WNT7A: variants seen among roughly 807,000 people sequenced by gnomAD.
WNT7A encodes the protein protein Wnt-7a.
In WNT7A, 16 loss-of-function variants were observed where a neutral mutation model predicts 28.2. The ratio of observed to expected loss-of-function variants is 0.57; its 90% confidence interval spans 0.38 to 0.86. The LOEUF is 0.86. Ranked by LOEUF, WNT7A falls within the 40% of genes least tolerant of loss-of-function variation. The pLI, the probability that WNT7A is intolerant of heterozygous loss-of-function variation, is 0.00. For synonymous variants in WNT7A, 190 were observed against 195.9 expected (o/e 0.97, Z 0.25); for missense variants, 411 against 489.7 (o/e 0.84, Z 1.52).
rs1029898161 is a variant in WNT7A at position 13,818,188 on chromosome 3, A to G, written c.*756T>C. 2.0e-5 allele frequency: 3 copies of G among 151,116 alleles called. No individual in the cohort carries two copies. Among genetic ancestry groups the G allele is most frequent in the Admixed American group, 2.0e-4 (3 of 15,184 alleles). 9.4% of individuals were successfully genotyped at this position (151,116 alleles called of 1,614,324 possible). A position where few individuals can be genotyped will look rare whatever the true frequency, so the allele number is the denominator to read the frequency against. ...GGTGGCTCACTTTCCGAAAGATGGA[A>G]ACTGCTGGGAATTTATTATTTTTCC... On this transcript the variant is annotated 3_prime_UTR_variant, in exon 4 of 4. Coordinates refer to ENST00000285018, the MANE Select transcript of WNT7A (RefSeq NM_004625.4).
chr3:13,818,351 C>CGAAAAAAAAAAAAAAAAAAA lies in WNT7A; in HGVS notation c.*592_*593insTTTTTTTTTTTTTTTTTTTC, dbSNP rs575789769. 23 of 79,950 alleles carry CGAAAAAAAAAAAAAAAAAAA rather than the reference C, an allele frequency of 2.9e-4. 3 individuals carry two copies. The South Asian group carries it at 3.3e-3, about 11-fold the overall frequency. 5.0% of individuals were successfully genotyped at this position (79,950 alleles called of 1,614,324 possible). ...TTTCTGGATAAGTAGCAGCAAACAG[C>CGAAAAAAAAAAAAAAAAAAA]AAAAAAAAAAAAAAAAATGTGTGTG... On this transcript the variant is annotated 3_prime_UTR_variant, in exon 4 of 4. Transcript: ENST00000285018.
At chr3:13,846,998 C>T (rs1215193370) in intron 3 of WNT7A, among the ~76,000 whole-genome samples, 3 of 152,176 alleles carry the variant, frequency 2.0e-5, no homozygotes, top group Non-Finnish European at 4.4e-5. Context: ...TGGGAAGGGC[C>T]GCCCCTGCCC....
At chr3:13,868,985 A>G (rs1694979957) in intron 2 of WNT7A, among the ~76,000 whole-genome samples, 1 of 149,906 alleles carries the variant, frequency 6.7e-6, no homozygotes, top group African/African-American at 2.5e-5. Context: ...AGAAAGAGAA[A>G]GAAAAAGAGA....
chr3:13,833,260 T>C (rs1370115131), intron 3 of WNT7A, among the ~76,000 whole-genome samples: 3 of 152,152 alleles, frequency 2.0e-5, no homozygotes, highest in Non-Finnish European at 4.4e-5. Flanking sequence ...CAGGTATGCA[T>C]GACACATATG....
At position 13,840,714 on chromosome 3, in the gene WNT7A, CTATT is replaced by C. The variant is rs150274072; in HGVS notation, c.570+13814_570+13817del. Among the ~76,000 whole-genome samples, 1,273 of 152,282 alleles carry C rather than the reference CTATT, an allele frequency of 8.4e-3. 9 individuals are homozygous for C. The highest frequency in any genetic ancestry group is 0.015 in the Non-Finnish European group (1,017 of 68,016). On this transcript the variant is annotated intron_variant, in intron 3 of 3. Transcript: ENST00000285018. ...TCTGTCCGTTTAACCATCCATCCAT[CTATT>C]CATTCATATTCCATTCATTCAACCA...
Position 13,876,254 on chromosome 3 carries a change from A to G in WNT7A, c.72-1081T>C, listed in dbSNP as rs75254617. On this transcript the variant is annotated intron_variant, in intron 1 of 3. Transcript: ENST00000285018. ...CTAGGAGACAAGTTCGGGGTCTTCA[A>G]GGAATAGAAAGAACCCATGGAAACT... Among the ~76,000 whole-genome samples, 226 of 152,350 alleles carry G rather than the reference A, an allele frequency of 1.5e-3. 1 individual carries two copies. Among genetic ancestry groups the G allele is most frequent in the Non-Finnish European group, 2.4e-3 (161 of 68,028 alleles).
intron 2 of WNT7A, among the ~76,000 whole-genome samples, chr3:13,868,690 G>GAGAAAGAA (rs1220632576): frequency 0.11 from 2,092 of 19,566 alleles, 271 homozygotes; most frequent in Middle Eastern, 0.19. Context: ...GAGAGAGAGA[G>GAGAAAGAA]AGAAAGAAAG....
At chr3:13,834,010 C>T (rs1006279894) in intron 3 of WNT7A, among the ~76,000 whole-genome samples, 2 of 152,182 alleles carry the variant, frequency 1.3e-5, no homozygotes, top group African/African-American at 2.4e-5. Flanking sequence ...AACTGTCACA[C>T]GGGCATAAGG....
At chr3:13,847,304 C>G (rs1212152356) in intron 3 of WNT7A, among the ~76,000 whole-genome samples, 2 of 152,220 alleles carry the variant, frequency 1.3e-5, no homozygotes, top group South Asian at 4.1e-4. Context: ...ACCTCCTGGT[C>G]CCTACCTCAG....
chr3:13,873,225 C>T (rs1695051944), intron 2 of WNT7A, among the ~76,000 whole-genome samples: 1 of 152,026 alleles, frequency 6.6e-6, no homozygotes, highest in East Asian at 1.9e-4. Flanking sequence ...GAGGGAAAAG[C>T]AGGGCAGACG....
intron 3 of WNT7A, among the ~76,000 whole-genome samples, chr3:13,830,220 G>A (rs1051099419): frequency 2.6e-5 from 4 of 152,274 alleles, no homozygotes; most frequent in Non-Finnish European, 2.9e-5. Context: ...ACATGGTAAA[G>A]GTGGGCCCCG....
intron 1 of WNT7A, among the ~76,000 whole-genome samples, chr3:13,878,193 G>A (rs914977833): frequency 2.6e-5 from 4 of 152,190 alleles, no homozygotes; most frequent in Admixed American, 6.5e-5. Context: ...CCGGCGGGAG[G>A]GCGGCCCGCG....
chr3:13,834,343 G>A (rs202149642), intron 3 of WNT7A, among the ~76,000 whole-genome samples: 4 of 152,144 alleles, frequency 2.6e-5, no homozygotes, highest in African/African-American at 9.7e-5. Flanking sequence ...AAACGAGGTA[G>A]AGGACTTGGA....
intron 3 of WNT7A, among the ~76,000 whole-genome samples, chr3:13,819,842 A>G (rs1230835351): frequency 2.0e-5 from 3 of 152,218 alleles, no homozygotes; most frequent in Non-Finnish European, 2.9e-5. Context: ...TGAATGGCAG[A>G]TGTTTTTCAT....
intron 3 of WNT7A, among the ~76,000 whole-genome samples, chr3:13,842,947 A>G (rs916715094): frequency 2.6e-5 from 4 of 152,192 alleles, no homozygotes; most frequent in Non-Finnish European, 5.9e-5. Flanking sequence ...TGAAAGGACA[A>G]GGGCAGAGGC....
chr3:13,840,921 C>T (rs1353964022), intron 3 of WNT7A, among the ~76,000 whole-genome samples: 1 of 152,142 alleles, frequency 6.6e-6, no homozygotes, highest in Non-Finnish European at 1.5e-5. Flanking sequence ...TCCCATAGTC[C>T]CCTACACACT....
chr3:13,837,352 G>T (rs1678155543), intron 3 of WNT7A, among the ~76,000 whole-genome samples: 1 of 149,308 alleles, frequency 6.7e-6, no homozygotes, highest in African/African-American at 2.5e-5. Flanking sequence ...CCCCGCATCA[G>T]CCCCTCTCAC....
chr3:13,876,454 G>A (rs1288665204), intron 1 of WNT7A, among the ~76,000 whole-genome samples: 1 of 152,212 alleles, frequency 6.6e-6, no homozygotes, highest in African/African-American at 2.4e-5. Context: ...GGGTGCCAGA[G>A]CAGGAGCAGA....
intron 3 of WNT7A, among the ~76,000 whole-genome samples, chr3:13,848,719 C>T (rs1268427209): frequency 2.0e-5 from 3 of 152,174 alleles, no homozygotes; most frequent in African/African-American, 7.2e-5. Flanking sequence ...AGCCATCAGA[C>T]ATTTGTGCTC....
Sources: gnomAD v4.1 joint callset for allele counts (sites outside exome capture counted in the v4.1 genomes callset) on GRCh38, gnomAD v4.1.1 for gene constraint, MANE v1.5 for transcripts, NCBI Gene and HGNC (gene_info 2026-07-23, HGNC 2026-07-21) for gene names.